The following ZNF628 variants were observed in gnomAD, a reference collection of about 807,000 sequenced individuals.
ZNF628 encodes zinc finger protein 628, also known as zinc finger protein Zec.
A neutral mutation model predicts 2.5 loss-of-function variants in ZNF628; 3 were observed. The observed-to-expected ratio is 1.19, with a 90% CI of 0.54 to 3.07. The LOEUF (loss-of-function observed/expected upper bound fraction) is 3.07, where lower values mean the gene tolerates loss of function less well. Among genes scored for constraint, ZNF628 ranks in the 30% most tolerant of loss-of-function variants. The pLI is 0.03. For missense variants in ZNF628, 1,610 were observed against 1,517.1 expected (o/e 1.06, Z -1.02); for synonymous variants, 861 against 717.1 (o/e 1.20, Z -3.21).
rs746800613 is a variant in ZNF628 at position 55,483,575 on chromosome 19, G to C, written c.2382G>C (p.Gly794=). The C allele has an allele frequency of 6.2e-7, 1 of 1,608,214 alleles. No homozygotes were observed. The highest frequency in any genetic ancestry group is 2.2e-5 in the East Asian group (1 of 44,814). Reference sequence around the variant, plus strand: ...GAGCGGCCAGCGCTGGGGCCAGCGGGACAGGGCAGAGCCTCATCGTTCTGC... The same window carrying C: ...GAGCGGCCAGCGCTGGGGCCAGCGGCACAGGGCAGAGCCTCATCGTTCTGC... ...VQGAASAGAS[G]TGQSLIVLQN... is the part of the protein sequence containing the mutation. Residue 794 remains glycine, a synonymous_variant, in exon 3 of 3, where the codon GGG becomes GGC. Transcript: ENST00000598519.
chr19:55,483,746 A>C lies in ZNF628; in HGVS notation c.2553A>C (p.Val851=). The C allele has an allele frequency of 6.2e-7, 1 of 1,612,772 alleles. No homozygotes were observed. Among genetic ancestry groups the C allele is most frequent in the Non-Finnish European group, 8.5e-7 (1 of 1,179,296 alleles). ...TTVQLQPAQE[V]TTVQLQPAQE... is the part of the protein sequence containing the mutation. ...TCCAGCTCCAGCCAGCACAGGAAGT[A>C]ACCACGGTCCAGCTCCAGCCAGCAC... Residue 851 remains valine (V), a synonymous_variant, in exon 3 of 3, where the codon GTA becomes GTC. Transcript: ENST00000598519.
At position 55,483,987 on chromosome 19, in the gene ZNF628, G is replaced by A. The variant is rs1283904391; in HGVS notation, c.2794G>A (p.Gly932Ser). ...CTTTGAGACACTCCAGACGGACGAG[G>A]GCTTGCAGAGCGTGCTGGTGCTGAG... ...VLFETLQTDE[G>S]LQSVLVLSGA... Residue 932 changes from glycine to serine, a missense_variant, in exon 3 of 3, where the codon GGC (glycine) becomes AGC (serine). By Grantham distance (56) the Gly-to-Ser change is moderately conservative. Transcript: ENST00000598519. 7.6e-6 allele frequency: 12 copies of A among 1,580,712 alleles called. No homozygotes were observed. Among genetic ancestry groups the A allele is most frequent in the Non-Finnish European group, 1.0e-5 (12 of 1,161,642 alleles).
chr19:55,477,189 C>T (rs1986573952), intron 1 of ZNF628, among the ~76,000 whole-genome samples: 1 of 152,170 alleles, frequency 6.6e-6, no homozygotes, highest in African/African-American at 2.4e-5. Flanking sequence ...GGCAGCATCC[C>T]CTTAAAGGGG....
Position 55,478,793 on chromosome 19 carries a change from A to G in ZNF628, c.-77-1041A>G, listed in dbSNP as rs945158396. ...CCGCCTGGAAGGGGAATCTGCGGAC[A>G]GGGGCAATCGAGAGAGAGGAGGCGA... is the stretch of plus-strand genomic sequence containing the variant. On this transcript the variant is annotated intron_variant, in intron 1 of 2. Transcript: ENST00000598519. 1.2e-4 allele frequency among the ~76,000 whole-genome samples: 18 copies of G among 152,322 alleles called. No homozygotes were observed. The South Asian group carries it at 1.5e-3, about 12-fold the overall frequency.
rs138262006 is a variant in ZNF628, at chr19:55,479,254, C to G, written c.-77-580C>G. On this transcript the variant is annotated intron_variant, in intron 1 of 2. Coordinates refer to ENST00000598519, the MANE Select transcript of ZNF628 (RefSeq NM_033113.3). The surrounding 1 kb of genome is among the most constrained non-coding windows in gnomAD (Gnocchi z 5.1). ...GGGAGGCGGGCCACGGACCCAGTGACAAGTGGGCCATTGCGGGCCACGCGC... is the reference window on the plus strand; with the variant it reads ...GGGAGGCGGGCCACGGACCCAGTGAGAAGTGGGCCATTGCGGGCCACGCGC... Among the ~76,000 whole-genome samples the G allele has an allele frequency of 8.7e-3, 1,327 of 152,244 alleles. 21 individuals carry two copies. Among genetic ancestry groups the G allele is most frequent in the African/African-American group, 0.029 (1,201 of 41,558 alleles).
chr19:55,479,425 T>C lies in ZNF628; in HGVS notation c.-77-409T>C, dbSNP rs372658177. Reference sequence around the variant, plus strand: ...CAGGGAAGTGGAGTGAAGAGCTTTTTGGTTTTTAAAGATGGGAGACATAGA... The same window carrying C: ...CAGGGAAGTGGAGTGAAGAGCTTTTCGGTTTTTAAAGATGGGAGACATAGA... On this transcript the variant is annotated intron_variant, in intron 1 of 2. Transcript: ENST00000598519. This position sits in a 1 kb window ranked among gnomAD's most constrained non-coding sequence, Gnocchi z 5.1. 5.2e-4 allele frequency among the ~76,000 whole-genome samples: 79 copies of C among 152,300 alleles called. 3 individuals carry two copies. Among genetic ancestry groups the C allele is most frequent in the African/African-American group, 1.9e-3 (77 of 41,556 alleles).
Position 55,482,493 on chromosome 19 carries a change from G to C in ZNF628, c.1300G>C (p.Ala434Pro). 1.4e-6 allele frequency: 2 copies of C among 1,446,234 alleles called. No homozygotes were observed. The highest frequency in any genetic ancestry group is 1.8e-6 in the Non-Finnish European group (2 of 1,104,150). 89.6% of individuals were successfully genotyped at this position (1,446,234 alleles called of 1,614,324 possible). Reference protein sequence around the residue: ...AEVTCPQEPLAPAAPVPPPPP... With the variant: ...AEVTCPQEPLPPAAPVPPPPP... ...GGTGACCTGCCCCCAGGAACCGCTGGCGCCTGCCGCCCCCGTCCCGCCGCC... is the reference window on the plus strand; with the variant it reads ...GGTGACCTGCCCCCAGGAACCGCTGCCGCCTGCCGCCCCCGTCCCGCCGCC... The change falls in exon 3 of 3, where the codon GCG becomes CCG. Residue 434 changes from alanine to proline, a missense_variant. Physicochemically the swap from Ala to Pro is conservative, Grantham distance 27 (BLOSUM62 -1). Transcript: ENST00000598519.
Position 55,484,204 on chromosome 19 carries a change from C to A in ZNF628, c.3011C>A (p.Pro1004Gln), listed in dbSNP as rs1396569436. 6 of 1,546,534 alleles carry A rather than the reference C, an allele frequency of 3.9e-6. No homozygotes were observed. The highest frequency in any genetic ancestry group is 4.4e-6 in the Non-Finnish European group (5 of 1,145,708). Residue 1004 changes from proline (P) to glutamine (Q), a missense_variant, in exon 3 of 3, where the codon CCG becomes CAG. Physicochemically the swap from Pro to Gln is moderately conservative, Grantham distance 76 (BLOSUM62 -1). Transcript: ENST00000598519. Reference protein sequence around the residue: ...GTATLQLLAPPPSGPASGPAG... With the variant: ...GTATLQLLAPQPSGPASGPAG... ...GCCACGCTGCAGCTCCTGGCCCCAC[C>A]GCCGTCAGGCCCAGCCTCGGGCCCC...
At position 55,482,431 on chromosome 19, in the gene ZNF628, C is replaced by T. The variant is rs933933321; in HGVS notation, c.1238C>T (p.Ala413Val). The change falls in exon 3 of 3, where the codon GCG (alanine) becomes GTG (valine). Residue 413 changes from alanine (A) to valine (V), a missense_variant. By Grantham distance (64) the Ala-to-Val change is moderately conservative. Transcript: ENST00000598519. ...CAGCAGTGCCACGTGGAAGAGGCCG[C>T]GGCCGGGCGCCCGCCCCCGCAGGCT... is the stretch of plus-strand genomic sequence containing the variant. ...AHQQCHVEEAAAGRPPPQAEA... is the reference protein window; with the variant it reads ...AHQQCHVEEAVAGRPPPQAEA... 7.4e-7 allele frequency: 1 copy of T among 1,353,396 alleles called. No individual in the cohort carries two copies. The highest frequency in any genetic ancestry group is 9.5e-7 in the Non-Finnish European group (1 of 1,057,222). 83.8% of individuals were successfully genotyped at this position (1,353,396 alleles called of 1,614,324 possible).
intron 2 of ZNF628, among the ~76,000 whole-genome samples, chr19:55,480,248 C>A (rs372893623): frequency 2.0e-5 from 1 of 49,978 alleles, no homozygotes; most frequent in Admixed American, 1.5e-4. Context: ...CTTTTTTTTT[C>A]CTTTTTTTTT....
In ZNF628 at chr19:55,482,209, C is replaced by T. The variant is rs972311065; in HGVS notation, c.1016C>T (p.Pro339Leu). The change falls in exon 3 of 3, where the codon CCG becomes CTG. Residue 339 changes from proline to leucine, a missense_variant. Pro to Leu is a moderately conservative substitution (Grantham distance 98, BLOSUM62 -3). Coordinates refer to ENST00000598519, the MANE Select transcript of ZNF628 (RefSeq NM_033113.3). The part of the protein sequence containing the change: ...PAEAPKADQP[P>L]SPLPQPPPPA... The stretch of plus-strand genomic sequence containing the variant: ...GAGGCGCCCAAGGCCGACCAGCCAC[C>T]GTCCCCTCTGCCGCAGCCCCCTCCT... The T allele has an allele frequency of 4.1e-6, 6 of 1,481,118 alleles. No individual in the cohort carries two copies. The highest frequency in any genetic ancestry group is 5.8e-5 in the East Asian group (2 of 34,612). The allele number at this position is 1,481,118 out of a possible 1,614,324, so 91.7% of individuals were successfully genotyped here.
rs1986838885 is a variant in ZNF628, at chr19:55,484,082, G to A, written c.2889G>A (p.Glu963=). 2 of 1,592,830 alleles carry A rather than the reference G, an allele frequency of 1.3e-6. No homozygotes were observed. The highest frequency in any genetic ancestry group is 1.7e-6 in the Non-Finnish European group (2 of 1,171,264). Reference sequence around the variant, plus strand: ...AAACACTTCCTCCTGGGCTGACGGAGCCGCCTGCCACCGGCCCACCCGGAC... The same window carrying A: ...AAACACTTCCTCCTGGGCTGACGGAACCGCCTGCCACCGGCCCACCCGGAC... ...EVETLPPGLT[E]PPATGPPGQK... is the part of the protein sequence containing the mutation. Residue 963 remains glutamate (E), a synonymous_variant, in exon 3 of 3, where the codon GAG becomes GAA. Coordinates refer to ENST00000598519, the MANE Select transcript of ZNF628 (RefSeq NM_033113.3).
In ZNF628 at chr19:55,482,512, CGCCGCCA is replaced by C; in HGVS notation, c.1320_1326del (p.Pro442ArgfsTer198). 1 of 1,462,182 alleles carries C rather than the reference CGCCGCCA, an allele frequency of 6.8e-7. No homozygotes were observed. Among genetic ancestry groups the C allele is most frequent in the Non-Finnish European group, 9.0e-7 (1 of 1,107,100 alleles). The allele number at this position is 1,462,182 out of a possible 1,614,324, so 90.6% of individuals were successfully genotyped here. ...CCGCTGGCGCCTGCCGCCCCCGTCC[CGCCGCCA>C]CCCCCGTCCGCCCCCGCTTCTGCGG... On this transcript the variant is annotated frameshift_variant, in exon 3 of 3. Coordinates refer to ENST00000598519, the MANE Select transcript of ZNF628 (RefSeq NM_033113.3). LOFTEE classifies it low-confidence loss of function (END_TRUNC).
At chr19:55,477,984 A>G (rs1237916902) in intron 1 of ZNF628, among the ~76,000 whole-genome samples, 3 of 152,172 alleles carry the variant, frequency 2.0e-5, no homozygotes, top group Admixed American at 1.3e-4. Flanking sequence ...CTGGTTATAT[A>G]GTAGCGGTTC....
chr19:55,483,314 C>T lies in ZNF628; in HGVS notation c.2121C>T (p.Pro707=). The change falls in exon 3 of 3, where the codon CCC becomes CCT. Residue 707 remains proline (P), a synonymous_variant. Coordinates refer to ENST00000598519, the MANE Select transcript of ZNF628 (RefSeq NM_033113.3). ...AQAPSLGPAA[P]NSQTFLLVQT... ...CCCCGAGCTTGGGGCCAGCAGCGCC[C>T]AACTCTCAGACGTTCCTCCTGGTGC... is the stretch of plus-strand genomic sequence containing the variant. 3 of 1,530,556 alleles carry T rather than the reference C, an allele frequency of 2.0e-6. No homozygotes were observed. Among genetic ancestry groups the T allele is most frequent in the Non-Finnish European group, 2.6e-6 (3 of 1,141,594 alleles). The allele number at this position is 1,530,556 out of a possible 1,614,324, so 94.8% of individuals were successfully genotyped here.
rs371420206 is a variant in ZNF628 at position 55,483,137 on chromosome 19, C to G, written c.1944C>G (p.Asn648Lys). 2.5e-6 allele frequency: 4 copies of G among 1,583,486 alleles called. No homozygotes were observed. In the South Asian group the frequency reaches 4.5e-5, roughly 18 times the overall value. The change falls in exon 3 of 3, where the codon AAC becomes AAG. Residue 648 changes from asparagine (N) to lysine (K), a missense_variant. Physicochemically the swap from Asn to Lys is moderately conservative, Grantham distance 94. Transcript: ENST00000598519. Reference sequence around the variant, plus strand: ...ACCTGAGGACGCACGCCCCGGCCAACACGCCTCCCAGCACCACAGCCCCTG... The same window carrying G: ...ACCTGAGGACGCACGCCCCGGCCAAGACGCCTCCCAGCACCACAGCCCCTG... ...QRHLRTHAPA[N>K]TPPSTTAPAA... is the part of the protein sequence containing the mutation.
rs1472018274 is a variant in ZNF628 at position 55,481,927 on chromosome 19, A to G, written c.734A>G (p.Glu245Gly). Residue 245 changes from glutamate (E) to glycine (G), a missense_variant, in exon 3 of 3, where the codon GAG (glutamate) becomes GGG (glycine). Around this residue, in one of 5 missense-constraint regions of ZNF628, gnomAD observed 651 missense variants for 575.6 expected, o/e 1.13. Transcript: ENST00000598519. ...ASAAPPPQSREPGKVFVCDAY... is the reference protein window; with the variant it reads ...ASAAPPPQSRGPGKVFVCDAY... The stretch of plus-strand genomic sequence containing the variant: ...GCGGCCCCGCCCCCCCAGTCCCGGG[A>G]GCCCGGCAAGGTCTTCGTGTGCGAC... 14 of 1,427,376 alleles carry G rather than the reference A, an allele frequency of 9.8e-6. No individual in the cohort carries two copies. The highest frequency in any genetic ancestry group is 1.2e-5 in the Non-Finnish European group (13 of 1,090,364). 88.4% of individuals were successfully genotyped at this position (1,427,376 alleles called of 1,614,324 possible).
Position 55,484,306 on chromosome 19 carries a change from C to A in ZNF628, c.3113C>A (p.Pro1038His). The A allele has an allele frequency of 6.6e-7, 1 of 1,509,426 alleles. No individual in the cohort carries two copies. Among genetic ancestry groups the A allele is most frequent in the Non-Finnish European group, 8.9e-7 (1 of 1,127,978 alleles). The allele number at this position is 1,509,426 out of a possible 1,614,324, so 93.5% of individuals were successfully genotyped here. A position where few individuals can be genotyped will look rare whatever the true frequency, so the allele number is the denominator to read the frequency against. ...PAGAGPGVMT[P>H]QGLPSIQIVQ... ...GGAGCTGGGCCTGGTGTTATGACCC[C>A]TCAGGGCCTGCCCTCCATCCAGATT... The change falls in exon 3 of 3, where the codon CCT becomes CAT. Residue 1038 changes from proline (P) to histidine (H), a missense_variant. Physicochemically the swap from Pro to His is moderately conservative, Grantham distance 77 (BLOSUM62 -2). This residue lies in a region of ZNF628 where 712 missense variants were observed against 603.6 expected (regional missense o/e 1.18). Transcript: ENST00000598519.
At chr19:55,480,278 C>G (rs1986667334) in intron 2 of ZNF628, among the ~76,000 whole-genome samples, 1 of 140,504 alleles carries the variant, frequency 7.1e-6, no homozygotes, top group African/African-American at 2.6e-5. Flanking sequence ...TGGAGTCTCT[C>G]TCTATGGCCC....
Sources: allele counts gnomAD v4.1 joint callset (sites outside exome capture counted in the v4.1 genomes callset), GRCh38; gene constraint gnomAD v4.1.1; regional missense constraint gnomAD v4.1.1; non-coding constraint Gnocchi (gnomAD v3.1); transcripts MANE v1.5; gene names NCBI Gene and HGNC (gene_info 2026-07-23, HGNC 2026-07-21).